Variants in PLGRKT observed in about 807,000 individuals in gnomAD.
The protein encoded by PLGRKT is plasminogen receptor with a C-terminal lysine, also known as plasminogen receptor (KT).
A neutral mutation model predicts 18.5 loss-of-function variants in PLGRKT; 22 were observed. That is an observed-to-expected ratio of 1.19 (90% CI 0.85 to 1.70). The LOEUF is 1.70. PLGRKT is among the 40% of genes most tolerant of loss of function. PLGRKT has a pLI of 0.00. For missense variants in PLGRKT, 235 were observed against 174.4 expected, an observed-to-expected ratio of 1.35 and a Z score of -1.96; for synonymous variants, 72 against 52.8, an observed-to-expected ratio of 1.36 and a Z score of -1.58.
intron 3 of PLGRKT, among the ~76,000 whole-genome samples, chr9:5,367,030 TAC>T (rs56259718): frequency 0.3 from 33,579 of 111,932 alleles, 4,605 homozygotes; most frequent in Non-Finnish European, 0.41. Context: ...TACACACACA[TAC>T]ACACACACAC....
intron 3 of PLGRKT, among the ~76,000 whole-genome samples, chr9:5,362,769 A>T (rs1817295465): frequency 1.3e-5 from 2 of 152,092 alleles, no homozygotes; most frequent in Non-Finnish European, 2.9e-5. Flanking sequence ...GGGGCGAATG[A>T]TAGTTTAGAT....
chr9:5,401,871 A>C (rs1818160952), intron 3 of PLGRKT, among the ~76,000 whole-genome samples: 1 of 151,922 alleles, frequency 6.6e-6, no homozygotes, highest in African/African-American at 2.4e-5. Flanking sequence ...TTGTGGAAGC[A>C]ACTTCTCTGT....
intron 3 of PLGRKT, among the ~76,000 whole-genome samples, chr9:5,431,389 C>G (rs1818819657): frequency 6.6e-6 from 1 of 151,950 alleles, no homozygotes; most frequent in Non-Finnish European, 1.5e-5. Context: ...CAAAAATTAG[C>G]CGGGAGTGGT....
intron 3 of PLGRKT, among the ~76,000 whole-genome samples, chr9:5,382,492 AAAG>A (rs1190856507): frequency 6.6e-6 from 1 of 152,222 alleles, no homozygotes; most frequent in African/African-American, 2.4e-5. Flanking sequence ...CAAAGCCTGG[AAAG>A]AAGAATGAGC....
chr9:5,390,367 C>A (rs1817926322), intron 3 of PLGRKT, among the ~76,000 whole-genome samples: 1 of 151,616 alleles, frequency 6.6e-6, no homozygotes, highest in Non-Finnish European at 1.5e-5. Context: ...TCATGCTGGA[C>A]CAGTTTCAAA....
chr9:5,430,008 G>C (rs968137233), intron 3 of PLGRKT, among the ~76,000 whole-genome samples: 1 of 152,174 alleles, frequency 6.6e-6, no homozygotes, highest in Non-Finnish European at 1.5e-5. Context: ...AAAAGCAGTA[G>C]GCTCCCTAAG....
At chr9:5,368,352 T>C (rs373651897) in intron 3 of PLGRKT, among the ~76,000 whole-genome samples, 10 of 152,306 alleles carry the variant, frequency 6.6e-5, no homozygotes, top group South Asian at 2.1e-4. Flanking sequence ...CAATGGTGGA[T>C]TGGCGAAAGA....
chr9:5,371,756 C>T (rs1817521047), intron 3 of PLGRKT, among the ~76,000 whole-genome samples: 1 of 151,984 alleles, frequency 6.6e-6, no homozygotes, highest in Non-Finnish European at 1.5e-5. Flanking sequence ...TCCAGATTGT[C>T]TATTGAGTAA....
chr9:5,365,173 G>T (rs1322188549), intron 3 of PLGRKT, among the ~76,000 whole-genome samples: 1 of 152,062 alleles, frequency 6.6e-6, no homozygotes. Context: ...GCCTAGGACT[G>T]GGGCAAGAAA....
chr9:5,394,044 C>T (rs1817998132), intron 3 of PLGRKT, among the ~76,000 whole-genome samples: 1 of 151,876 alleles, frequency 6.6e-6, no homozygotes, highest in African/African-American at 2.4e-5. Flanking sequence ...AGCATTCTAT[C>T]TAGTGTTGCT....
chr9:5,422,740 T>C (rs996314388), intron 3 of PLGRKT, among the ~76,000 whole-genome samples: 12 of 152,130 alleles, frequency 7.9e-5, no homozygotes, highest in South Asian at 6.2e-4. Flanking sequence ...TACAGGTAAA[T>C]AGAAATTTGC....
chr9:5,405,265 T>A (rs996166187), intron 3 of PLGRKT, among the ~76,000 whole-genome samples: 2 of 152,154 alleles, frequency 1.3e-5, no homozygotes, highest in Non-Finnish European at 2.9e-5. Context: ...TATTTTAAAA[T>A]TCATATGGAA....
chr9:5,364,877 C>A (rs1383804394), intron 3 of PLGRKT, among the ~76,000 whole-genome samples: 1 of 152,130 alleles, frequency 6.6e-6, no homozygotes, highest in Admixed American at 6.6e-5. Context: ...CCATGTGGTA[C>A]TGGATTAGAG....
At chr9:5,387,945 T>C (rs1186745312) in intron 3 of PLGRKT, among the ~76,000 whole-genome samples, 15 of 151,714 alleles carry the variant, frequency 9.9e-5, no homozygotes, top group Non-Finnish European at 4.4e-5. Context: ...CTAGATATAT[T>C]TGGAATTGGG....
chr9:5,372,463 G>C (rs1017631065), intron 3 of PLGRKT, among the ~76,000 whole-genome samples: 2 of 152,110 alleles, frequency 1.3e-5, no homozygotes, highest in Non-Finnish European at 2.9e-5. Flanking sequence ...ATTGATTTCA[G>C]GGTATCTGGC....
At chr9:5,368,681 G>A (rs561890114) in intron 3 of PLGRKT, among the ~76,000 whole-genome samples, 15 of 152,142 alleles carry the variant, frequency 9.9e-5, no homozygotes, top group South Asian at 2.1e-4. Flanking sequence ...AAACTTCAGC[G>A]CCACACATAA....
chr9:5,426,832 G>C (rs993271586), intron 3 of PLGRKT, among the ~76,000 whole-genome samples: 13 of 152,130 alleles, frequency 8.5e-5, no homozygotes, highest in Non-Finnish European at 1.3e-4. Flanking sequence ...AAATGATAGA[G>C]TCCACAAGCT....
At chr9:5,414,030 G>A (rs1351863017) in intron 3 of PLGRKT, among the ~76,000 whole-genome samples, 1 of 152,104 alleles carries the variant, frequency 6.6e-6, no homozygotes, top group Admixed American at 6.5e-5. Context: ...AATCAATGTA[G>A]GAAGGACAAA....
At chr9:5,433,794 G>A (rs1324952876) in intron 2 of PLGRKT, among the ~76,000 whole-genome samples, 3 of 121,510 alleles carry the variant, frequency 2.5e-5, no homozygotes, top group Admixed American at 8.1e-5. Context: ...GCCTCTGCCT[G>A]GCTGCCCCGT....
Sources: gnomAD v4.1 joint callset for allele counts (sites outside exome capture counted in the v4.1 genomes callset) on GRCh38, gnomAD v4.1.1 for gene constraint, MANE v1.5 for transcripts, NCBI Gene and HGNC (gene_info 2026-07-23, HGNC 2026-07-21) for gene names.